Variants in DACH1 observed in about 807,000 individuals in gnomAD.
The protein encoded by DACH1 is dachshund family transcription factor 1.
A neutral mutation model predicts 54.2 loss-of-function variants in DACH1; 12 were observed. The observed-to-expected ratio is 0.22, with a 90% CI of 0.14 to 0.36. The LOEUF is 0.36. Ranked by LOEUF, DACH1 falls within the 10% of genes least tolerant of loss-of-function variation. The pLI is 1.00. For synonymous variants in DACH1, 386 were observed against 366.2 expected, an observed-to-expected ratio of 1.05 and a Z score of -0.62; for missense variants, 805 against 929.8, an observed-to-expected ratio of 0.87 and a Z score of 1.75.
rs752003752 is a variant in DACH1, at chr13:71,557,490, A to C, written c.1436-332T>G. On this transcript the variant is annotated intron_variant, in intron 5 of 10. Transcript: ENST00000613252. ...CTATTTGGCAAACACCATTAATAATAATTGTTTCAGGATCAAGGGATAATT... is the reference window on the plus strand; with the variant it reads ...CTATTTGGCAAACACCATTAATAATCATTGTTTCAGGATCAAGGGATAATT... 1.2e-4 allele frequency among the ~76,000 whole-genome samples: 18 copies of C among 152,260 alleles called. 1 individual carries two copies. The highest frequency in any genetic ancestry group is 2.6e-4 in the Admixed American group (4 of 15,296).
chr13:71,512,942 A>T (rs1007700724), intron 6 of DACH1, among the ~76,000 whole-genome samples: 1 of 151,974 alleles, frequency 6.6e-6, no homozygotes, highest in Non-Finnish European at 1.5e-5. Flanking sequence ...AATAATTGAC[A>T]TAGATGCTTT....
intron 6 of DACH1, among the ~76,000 whole-genome samples, chr13:71,520,833 C>T (rs947261059): frequency 6.6e-6 from 1 of 151,586 alleles, no homozygotes; most frequent in African/African-American, 2.4e-5. Flanking sequence ...GTGTTAATTC[C>T]AATAATATCA....
At chr13:71,443,146 A>G (rs1874154929) in intron 10 of DACH1, among the ~76,000 whole-genome samples, 1 of 150,768 alleles carries the variant, frequency 6.6e-6, no homozygotes, top group Non-Finnish European at 1.5e-5. Context: ...CAAATCCACA[A>G]TTTTCCCTCC....
At chr13:71,746,924 T>C (rs926873397) in intron 1 of DACH1, among the ~76,000 whole-genome samples, 3 of 152,194 alleles carry the variant, frequency 2.0e-5, no homozygotes, top group South Asian at 2.1e-4. Flanking sequence ...TTCAGCTTGA[T>C]AGAGTACACA....
intron 2 of DACH1, among the ~76,000 whole-genome samples, chr13:71,644,210 G>C (rs1381867239): frequency 6.6e-6 from 1 of 152,114 alleles, no homozygotes; most frequent in East Asian, 1.9e-4. Context: ...TGTATTATCT[G>C]ACCTGTTTTA....
chr13:71,493,677 A>G (rs572999800), intron 6 of DACH1, among the ~76,000 whole-genome samples: 1 of 152,196 alleles, frequency 6.6e-6, no homozygotes, highest in East Asian at 1.9e-4. Flanking sequence ...ACAAAAAAAT[A>G]TCAGGTTAAA....
intron 2 of DACH1, among the ~76,000 whole-genome samples, chr13:71,632,481 C>T (rs994545619): frequency 4.8e-5 from 7 of 146,950 alleles, no homozygotes; most frequent in South Asian, 2.2e-4. Context: ...TCCAGCCGTT[C>T]GAATTTATCT....
chr13:71,708,243 C>A lies in DACH1; in HGVS notation c.849-26333G>T, dbSNP rs557514712. On this transcript the variant is annotated intron_variant, in intron 1 of 10. Transcript: ENST00000613252. ...AACAACAAAGCAATCAACAAGCAAACCATATAGTCAAATTAAAGTCTGGTA... is the reference window on the plus strand; with the variant it reads ...AACAACAAAGCAATCAACAAGCAAAACATATAGTCAAATTAAAGTCTGGTA... 4.6e-5 allele frequency among the ~76,000 whole-genome samples: 7 copies of A among 152,112 alleles called. No homozygotes were observed. The East Asian group carries it at 1.4e-3, about 29-fold the overall frequency.
chr13:71,534,437 T>G (rs1247029524), intron 6 of DACH1, among the ~76,000 whole-genome samples: 1 of 151,958 alleles, frequency 6.6e-6, no homozygotes, highest in East Asian at 1.9e-4. Flanking sequence ...TATTTATTAC[T>G]TTAATAATAT....
At chr13:71,462,896 A>T (rs914385615) in intron 10 of DACH1, among the ~76,000 whole-genome samples, 1 of 71,714 alleles carries the variant, frequency 1.4e-5, no homozygotes, top group African/African-American at 3.2e-5. Context: ...ACACACACAC[A>T]CACACACACA....
chr13:71,812,211 G>T (rs1218044109), intron 1 of DACH1, among the ~76,000 whole-genome samples: 1 of 152,128 alleles, frequency 6.6e-6, no homozygotes, highest in Non-Finnish European at 1.5e-5. Context: ...AATAAAAAAA[G>T]TTTCCACTCT....
chr13:71,748,514 G>A (rs1440412194), intron 1 of DACH1, among the ~76,000 whole-genome samples: 2 of 152,148 alleles, frequency 1.3e-5, no homozygotes, highest in Non-Finnish European at 2.9e-5. Flanking sequence ...TATTCCTGTT[G>A]CTTATTTTCC....
At chr13:71,740,606 G>T (rs1017387049) in intron 1 of DACH1, among the ~76,000 whole-genome samples, 3 of 152,096 alleles carry the variant, frequency 2.0e-5, no homozygotes, top group African/African-American at 7.2e-5. Context: ...CAAATTGGAG[G>T]ATCAACTGTC....
chr13:71,647,130 A>G (rs781253407), intron 2 of DACH1, among the ~76,000 whole-genome samples: 1 of 152,220 alleles, frequency 6.6e-6, no homozygotes, highest in Admixed American at 6.5e-5. Flanking sequence ...TCACTTTATA[A>G]CTGTTAATAA....
intron 1 of DACH1, among the ~76,000 whole-genome samples, chr13:71,783,633 GAGA>G (rs1255051471): frequency 6.6e-6 from 1 of 152,044 alleles, no homozygotes; most frequent in Non-Finnish European, 1.5e-5. Context: ...AGGAAAGGCA[GAGA>G]AGAAGGAATG....
chr13:71,657,975 T>C (rs1391956292), intron 2 of DACH1, among the ~76,000 whole-genome samples: 1 of 152,072 alleles, frequency 6.6e-6, no homozygotes, highest in Non-Finnish European at 1.5e-5. Context: ...TACTTTGATA[T>C]CCAGTTTTAA....
chr13:71,778,091 ACAATAAATAAAT>A (rs1159143894), intron 1 of DACH1, among the ~76,000 whole-genome samples: 3 of 132,848 alleles, frequency 2.3e-5, no homozygotes, highest in African/African-American at 5.6e-5. Context: ...GACCCTGTCT[ACAATAAATAAAT>A]AAATAAATAA....
At chr13:71,779,004 A>G (rs961300895) in intron 1 of DACH1, among the ~76,000 whole-genome samples, 1 of 151,582 alleles carries the variant, frequency 6.6e-6, no homozygotes, top group Non-Finnish European at 1.5e-5. Flanking sequence ...GCAAGACTTA[A>G]CTTTGATACC....
At chr13:71,695,752 G>T (rs896229369) in intron 1 of DACH1, among the ~76,000 whole-genome samples, 5 of 152,142 alleles carry the variant, frequency 3.3e-5, no homozygotes, top group Non-Finnish European at 7.3e-5. Flanking sequence ...AATCACCAAG[G>T]CTTGTTTCTT....
Sources: gnomAD v4.1 joint callset for allele counts (sites outside exome capture counted in the v4.1 genomes callset) on GRCh38, gnomAD v4.1.1 for gene constraint, MANE v1.5 for transcripts, NCBI Gene and HGNC (gene_info 2026-07-23, HGNC 2026-07-21) for gene names.